HDAC4: variants seen among roughly 807,000 people sequenced by gnomAD.
The protein encoded by HDAC4 is histone deacetylase 4.
In HDAC4, 16 loss-of-function variants were observed where a neutral mutation model predicts 135.1. The ratio of observed to expected loss-of-function variants is 0.12; its 90% CI spans 0.08 to 0.18. The LOEUF is 0.18. Among genes scored for constraint, HDAC4 ranks in the 10% least tolerant of loss-of-function variants. HDAC4 has a pLI of 1.00. For synonymous variants in HDAC4, 685 were observed against 653.4 expected (o/e 1.05, Z -0.74); for missense variants, 1,143 against 1,511.8 (o/e 0.76, Z 4.05).
chr2:239,394,857 G>T (rs1011151364), intron 1 of HDAC4, among the ~76,000 whole-genome samples: 1 of 152,192 alleles, frequency 6.6e-6, no homozygotes, highest in African/African-American at 2.4e-5. Context: ...CCAAGCACAG[G>T]GTACAGAGCA....
At chr2:239,332,562 C>T (rs1301329177) in intron 2 of HDAC4, among the ~76,000 whole-genome samples, 1 of 151,472 alleles carries the variant, frequency 6.6e-6, no homozygotes, top group Non-Finnish European at 1.5e-5. Flanking sequence ...AAAAAGCTCA[C>T]ATAATCTAGC....
chr2:239,081,038 T>C lies in HDAC4; in HGVS notation c.2750+57A>G, dbSNP rs1214392713. The C allele has an allele frequency of 3.0e-6, 4 of 1,318,872 alleles. No individual in the cohort carries two copies. The East Asian group carries it at 7.0e-5, about 23-fold the overall frequency. 81.7% of individuals were successfully genotyped at this position (1,318,872 alleles called of 1,614,324 possible). ...CATCTCCAACAAGTGCTTCCTGGAA[T>C]GTGTGCACAGAGGAAAAGCTGCTAC... On this transcript the variant is annotated intron_variant, in intron 22 of 26. Transcript: ENST00000543185.
At chr2:239,188,952 A>G (rs972402701) in intron 4 of HDAC4, among the ~76,000 whole-genome samples, 1 of 152,236 alleles carries the variant, frequency 6.6e-6, no homozygotes, top group Admixed American at 6.5e-5. Context: ...TCTTAATAAC[A>G]ACATAATGGG....
intron 2 of HDAC4, among the ~76,000 whole-genome samples, chr2:239,252,199 C>A (rs2048818592): frequency 6.6e-6 from 1 of 152,236 alleles, no homozygotes; most frequent in Non-Finnish European, 1.5e-5. Context: ...GCAGGATCGC[C>A]CAGCATCAAA....
chr2:239,340,089 C>T (rs1692205768), intron 2 of HDAC4, among the ~76,000 whole-genome samples: 1 of 152,158 alleles, frequency 6.6e-6, no homozygotes, highest in African/African-American at 2.4e-5. Context: ...CACATTCAGG[C>T]CAGGATGGTC....
intron 17 of HDAC4, chr2:239,093,827 CA>C (rs1213769130): frequency 2.0e-6 from 1 of 512,108 alleles, no homozygotes; most frequent in East Asian, 1.5e-4. Flanking sequence ...GGCTGCAGGG[CA>C]GTGCAAATTC....
chr2:239,373,166 A>C (rs1575768440), intron 1 of HDAC4, among the ~76,000 whole-genome samples: 2 of 152,326 alleles, frequency 1.3e-5, no homozygotes, highest in East Asian at 1.9e-4. Flanking sequence ...ACATGTGAGC[A>C]GAACGACCTC....
chr2:239,241,528 A>G (rs2048174702), intron 2 of HDAC4, among the ~76,000 whole-genome samples: 1 of 152,226 alleles, frequency 6.6e-6, no homozygotes, highest in African/African-American at 2.4e-5. Context: ...AATTCTGAAC[A>G]TTAATCCTCT....
chr2:239,195,458 G>A (rs546226238), intron 3 of HDAC4, among the ~76,000 whole-genome samples: 2 of 152,226 alleles, frequency 1.3e-5, no homozygotes, highest in South Asian at 2.1e-4. Flanking sequence ...GGGTGGGGAT[G>A]AGGCCCAAGC....
At chr2:239,196,827 G>C (rs1422122474) in intron 3 of HDAC4, among the ~76,000 whole-genome samples, 1 of 152,252 alleles carries the variant, frequency 6.6e-6, no homozygotes, top group Admixed American at 6.5e-5. Context: ...AAGGAAGAGA[G>C]AGTGGGGCCA....
At chr2:239,255,813 T>C (rs1347851276) in intron 2 of HDAC4, among the ~76,000 whole-genome samples, 1 of 152,192 alleles carries the variant, frequency 6.6e-6, no homozygotes, top group Non-Finnish European at 1.5e-5. Context: ...GCCAGGCACA[T>C]GGGCCATTCT....
chr2:239,160,609 G>A (rs1002176193), intron 6 of HDAC4, among the ~76,000 whole-genome samples: 4 of 152,242 alleles, frequency 2.6e-5, no homozygotes, highest in Non-Finnish European at 2.9e-5. Flanking sequence ...CCGTGCCTCT[G>A]GGGCTCCCCC....
intron 1 of HDAC4, 101 bp from the exon 2 acceptor site, chr2:239,353,019 T>C (rs955313820): frequency 2.7e-6 from 1 of 376,978 alleles, no homozygotes; most frequent in Non-Finnish European, 5.1e-6. Flanking sequence ...CTCTTTTTTT[T>C]TGGAGACAGA....
chr2:239,197,273 T>G (rs1226273018), intron 3 of HDAC4, among the ~76,000 whole-genome samples: 1 of 152,180 alleles, frequency 6.6e-6, no homozygotes, highest in Non-Finnish European at 1.5e-5. Context: ...GCAACTCTGT[T>G]GTCTTCCTCT....
chr2:239,113,327 C>CAGCAGG (rs1488061254), intron 13 of HDAC4, among the ~76,000 whole-genome samples: 2 of 151,994 alleles, frequency 1.3e-5, no homozygotes, highest in African/African-American at 4.8e-5. Flanking sequence ...GGAGGAGCTG[C>CAGCAGG]AGCAGGAGCT....
chr2:239,157,373 G>A (rs552996450), intron 6 of HDAC4, among the ~76,000 whole-genome samples: 1 of 152,332 alleles, frequency 6.6e-6, no homozygotes, highest in South Asian at 2.1e-4. Flanking sequence ...GAACAGGATG[G>A]CAGCTACTGA....
chr2:239,330,022 C>T (rs185571174), intron 2 of HDAC4, among the ~76,000 whole-genome samples: 28 of 152,308 alleles, frequency 1.8e-4, no homozygotes, highest in Admixed American at 1.6e-3. Context: ...GCTGCTGGCC[C>T]GACGTGGCCC....
chr2:239,135,122 G>A (rs1211362876), intron 9 of HDAC4, among the ~76,000 whole-genome samples: 4 of 152,198 alleles, frequency 2.6e-5, no homozygotes, highest in Non-Finnish European at 5.9e-5. Context: ...TGGATTGTTT[G>A]TTACACAAAG....
chr2:239,316,791 C>T (rs1404643926), intron 2 of HDAC4, among the ~76,000 whole-genome samples: 1 of 152,142 alleles, frequency 6.6e-6, no homozygotes. Flanking sequence ...AAGGGTAGCT[C>T]ATGGGGACAG....
Sources: allele counts gnomAD v4.1 joint callset (sites outside exome capture counted in the v4.1 genomes callset), GRCh38; gene constraint gnomAD v4.1.1; transcripts MANE v1.5; gene names NCBI Gene and HGNC (gene_info 2026-07-23, HGNC 2026-07-21).